Variants in CTNND2 observed in about 807,000 individuals in gnomAD.
The protein encoded by CTNND2 is catenin delta-2.
Under a neutral mutation model 144.4 loss-of-function variants are expected in CTNND2, and 22 were observed. The observed-to-expected ratio is 0.15, with a 90% CI of 0.11 to 0.22. The LOEUF (loss-of-function observed/expected upper bound fraction) is 0.22, where lower values mean the gene tolerates loss of function less well. CTNND2 is among the 10% of genes least tolerant of loss of function. The pLI, the probability that CTNND2 is intolerant of heterozygous loss-of-function variation, is 1.00. For synonymous variants in CTNND2, 751 were observed against 695.6 expected, an observed-to-expected ratio of 1.08 and a Z score of -1.25; for missense variants, 1,353 against 1,618.8, an observed-to-expected ratio of 0.84 and a Z score of 2.82.
intron 11 of CTNND2, among the ~76,000 whole-genome samples, chr5:11,165,448 A>T (rs1560955151): frequency 6.6e-6 from 1 of 152,210 alleles, no homozygotes; most frequent in African/African-American, 2.4e-5. Context: ...ATATCTGAGG[A>T]TAACATGAAA....
chr5:11,143,570 T>A (rs2149738828), intron 12 of CTNND2, among the ~76,000 whole-genome samples: 1 of 152,334 alleles, frequency 6.6e-6, no homozygotes, highest in South Asian at 2.1e-4. Context: ...TTTGTAATGA[T>A]CAGTCACATT....
intron 3 of CTNND2, among the ~76,000 whole-genome samples, chr5:11,470,887 G>A (rs957958823): frequency 4.1e-5 from 6 of 147,632 alleles, no homozygotes; most frequent in Non-Finnish European, 8.9e-5. Context: ...AATATGGGCA[G>A]AGCTGGGTTT....
At chr5:11,693,909 T>C (rs1785022349) in intron 2 of CTNND2, among the ~76,000 whole-genome samples, 1 of 152,228 alleles carries the variant, frequency 6.6e-6, no homozygotes, top group African/African-American at 2.4e-5. Flanking sequence ...AATTAATGCA[T>C]AATCTTGTTT....
intron 2 of CTNND2, among the ~76,000 whole-genome samples, chr5:11,657,180 ATCAAAAGTGAT>A (rs1264240960): frequency 1.3e-5 from 2 of 152,130 alleles, no homozygotes; most frequent in Non-Finnish European, 2.9e-5. Flanking sequence ...ATGGCTCAGC[ATCAAAAGTGAT>A]TCAGAAGAGA....
intron 15 of CTNND2, among the ~76,000 whole-genome samples, chr5:11,094,148 T>C (rs1202184030): frequency 2.6e-5 from 4 of 152,220 alleles, no homozygotes; most frequent in African/African-American, 7.2e-5. Context: ...ACTATCCCAT[T>C]ATCTAGAATT....
At chr5:11,609,319 A>G (rs974169441) in intron 2 of CTNND2, among the ~76,000 whole-genome samples, 2 of 152,020 alleles carry the variant, frequency 1.3e-5, no homozygotes, top group Admixed American at 6.6e-5. Context: ...TAAATCTGAG[A>G]GTGTTTTATT....
chr5:11,450,629 G>T (rs969157725), intron 3 of CTNND2, among the ~76,000 whole-genome samples: 1 of 152,132 alleles, frequency 6.6e-6, no homozygotes, highest in Non-Finnish European at 1.5e-5. Flanking sequence ...GCTGGGCGTG[G>T]TGGCTCATGC....
chr5:11,672,459 T>A (rs1783923827), intron 2 of CTNND2, among the ~76,000 whole-genome samples: 1 of 152,172 alleles, frequency 6.6e-6, no homozygotes, highest in Non-Finnish European at 1.5e-5. Context: ...GGCTGCTCAC[T>A]TTTTTTCAGA....
At chr5:11,554,934 T>C (rs1014924481) in intron 3 of CTNND2, among the ~76,000 whole-genome samples, 1 of 151,074 alleles carries the variant, frequency 6.6e-6, no homozygotes, top group Non-Finnish European at 1.5e-5. Flanking sequence ...TATCTACATA[T>C]ATAATACATA....
intron 12 of CTNND2, among the ~76,000 whole-genome samples, chr5:11,156,171 G>C (rs1758202611): frequency 6.6e-6 from 1 of 152,202 alleles, no homozygotes; most frequent in African/African-American, 2.4e-5. Flanking sequence ...ACATTGTCAG[G>C]TTCTGGCTAA....
At chr5:11,357,320 C>T (rs1420278577) in intron 8 of CTNND2, among the ~76,000 whole-genome samples, 1 of 152,020 alleles carries the variant, frequency 6.6e-6, no homozygotes, top group African/African-American at 2.4e-5. Context: ...AAATGTAACA[C>T]ATATACAAAA....
chr5:11,403,806 A>G (rs566730622), intron 5 of CTNND2, among the ~76,000 whole-genome samples: 2 of 152,332 alleles, frequency 1.3e-5, no homozygotes, highest in African/African-American at 4.8e-5. Flanking sequence ...AAACACTACA[A>G]TTTGTGAATG....
chr5:11,557,497 A>ACAGATGGCATTACTACAGGG (rs934236288), intron 3 of CTNND2, among the ~76,000 whole-genome samples: 1 of 152,160 alleles, frequency 6.6e-6, no homozygotes, highest in Non-Finnish European at 1.5e-5. Context: ...CTGCATTACT[A>ACAGATGGCATTACTACAGGG]GCCCACAAAG....
At chr5:11,316,213 A>G (rs1436660068) in intron 9 of CTNND2, among the ~76,000 whole-genome samples, 1 of 152,018 alleles carries the variant, frequency 6.6e-6, no homozygotes, top group East Asian at 1.9e-4. Context: ...GGTATATTCT[A>G]AACACTTTGT....
intron 3 of CTNND2, among the ~76,000 whole-genome samples, chr5:11,506,935 T>A (rs1211891411): frequency 1.3e-5 from 2 of 152,240 alleles, no homozygotes; most frequent in East Asian, 3.9e-4. Flanking sequence ...AATCAATTTC[T>A]GAATTGTTTT....
chr5:11,088,116 T>TGC, intron 15 of CTNND2, among the ~76,000 whole-genome samples: 1 of 152,228 alleles, frequency 6.6e-6, no homozygotes, highest in African/African-American at 2.4e-5. Context: ...AATCAAATAT[T>TGC]AGAGATGTCA....
intron 3 of CTNND2, among the ~76,000 whole-genome samples, chr5:11,440,726 T>C (rs1581201339): frequency 6.6e-6 from 1 of 152,206 alleles, no homozygotes; most frequent in Admixed American, 6.5e-5. Flanking sequence ...TATATATTTG[T>C]ACATAGTTAT....
intron 3 of CTNND2, among the ~76,000 whole-genome samples, chr5:11,514,355 T>C (rs902306433): frequency 2.0e-5 from 3 of 152,206 alleles, no homozygotes; most frequent in Non-Finnish European, 4.4e-5. Flanking sequence ...AAAAATAATG[T>C]TCTACAAATA....
intron 10 of CTNND2, among the ~76,000 whole-genome samples, chr5:11,232,821 C>T (rs1470128786): frequency 6.6e-6 from 1 of 152,170 alleles, no homozygotes; most frequent in African/African-American, 2.4e-5. Flanking sequence ...GGCTCTGTGT[C>T]CCCACCCAAA....
Sources: allele counts gnomAD v4.1 joint callset (sites outside exome capture counted in the v4.1 genomes callset), GRCh38; gene constraint gnomAD v4.1.1; transcripts MANE v1.5; gene names NCBI Gene and HGNC (gene_info 2026-07-23, HGNC 2026-07-21).